APBB2: variants seen among roughly 807,000 people sequenced by gnomAD.
The protein encoded by APBB2 is Fe65-like 1.
APBB2 carries 38 observed loss-of-function variants against 82.5 expected under a neutral mutation model. The observed-to-expected ratio is 0.46, with a 90% CI of 0.36 to 0.60. The LOEUF is 0.60. Among genes scored for constraint, APBB2 ranks in the 20% least tolerant of loss-of-function variants. APBB2 has a pLI of 0.00. For synonymous variants in APBB2, 341 were observed against 368.2 expected, an observed-to-expected ratio of 0.93 and a Z score of 0.85; for missense variants, 772 against 972.3, an observed-to-expected ratio of 0.79 and a Z score of 2.74.
At chr4:41,143,686 C>T (rs747584412) in intron 1 of APBB2, among the ~76,000 whole-genome samples, 3 of 152,210 alleles carry the variant, frequency 2.0e-5, no homozygotes, top group South Asian at 2.1e-4. Flanking sequence ...AATTCTAATG[C>T]GGTTCAGGAT....
At chr4:40,825,609 G>A (rs916797496) in intron 15 of APBB2, 3 of 374,558 alleles carry the variant, frequency 8.0e-6, no homozygotes, top group Middle Eastern at 8.2e-4. Context: ...CCACGGCCCT[G>A]AGTCACACAG....
intron 10 of APBB2, among the ~76,000 whole-genome samples, chr4:40,930,658 G>A (rs1194343513): frequency 3.3e-5 from 5 of 152,110 alleles, no homozygotes; most frequent in African/African-American, 1.2e-4. Flanking sequence ...TAAGTAGGGA[G>A]TAAGGAAGAT....
At chr4:40,935,048 A>G in intron 8 of APBB2, 29 bp downstream of exon 8, 1 of 1,484,532 alleles carries the variant, frequency 6.7e-7, no homozygotes, top group Non-Finnish European at 9.0e-7. Flanking sequence ...TAAAATATTA[A>G]ATGATCTAAG....
intron 5 of APBB2, among the ~76,000 whole-genome samples, chr4:41,026,585 T>C (rs1475805307): frequency 6.6e-6 from 1 of 152,242 alleles, no homozygotes; most frequent in Non-Finnish European, 1.5e-5. Flanking sequence ...CAGAATCATA[T>C]AATGAGATCT....
At chr4:41,160,672 CCT>C (rs1379705755) in intron 1 of APBB2, among the ~76,000 whole-genome samples, 3 of 152,126 alleles carry the variant, frequency 2.0e-5, no homozygotes, top group African/African-American at 7.2e-5. Flanking sequence ...TCCCTCTCAC[CCT>C]CTTTCATCTC....
rs11421268 is a variant in APBB2 at position 41,032,778 on chromosome 4, C to CTTTTTTTT, written c.19+450_19+457dup. Among the ~76,000 whole-genome samples the CTTTTTTTT allele has an allele frequency of 2.9e-3, 244 of 84,302 alleles. 11 individuals are homozygous for CTTTTTTTT. The highest frequency in any genetic ancestry group is 8.2e-3 in the East Asian group (21 of 2,576). The allele number at this position is 84,302 out of a possible 152,430, so 55.3% of individuals were successfully genotyped here. On this transcript the variant is annotated intron_variant, in intron 5 of 17. Coordinates refer to ENST00000508593, the MANE Select transcript of APBB2 (RefSeq NM_004307.2). Reference sequence around the variant, plus strand: ...TGATTTTAAAGATTCATTTTTCTTTCTTTTTTTTTTTTTTTTTTTTTTTTG... The same window carrying CTTTTTTTT: ...TGATTTTAAAGATTCATTTTTCTTTCTTTTTTTTTTTTTTTTTTTTTTTTTTTTTTTTG...
intron 4 of APBB2, 51 bp from the exon 5 acceptor site, chr4:41,033,355 A>T: frequency 3.4e-6 from 4 of 1,188,082 alleles, no homozygotes; most frequent in Non-Finnish European, 4.7e-6. Context: ...AACAAAGCAT[A>T]AAAGAAAGAA....
intron 3 of APBB2, among the ~76,000 whole-genome samples, chr4:41,069,178 A>G (rs573666118): frequency 1.2e-4 from 19 of 152,310 alleles, no homozygotes; most frequent in African/African-American, 3.6e-4. Flanking sequence ...AATGAAAAAG[A>G]GGCAGACATT....
intron 5 of APBB2, among the ~76,000 whole-genome samples, chr4:41,027,404 T>TATATATATAA (rs1426043208): frequency 8.0e-4 from 105 of 130,530 alleles, no homozygotes; most frequent in African/African-American, 2.4e-3. Context: ...TATATATATA[T>TATATATATAA]AACATTTTCA....
chr4:41,025,944 CAAA>C (rs71198626), intron 5 of APBB2, among the ~76,000 whole-genome samples: 3 of 68,262 alleles, frequency 4.4e-5, no homozygotes, highest in African/African-American at 1.7e-4. Context: ...TCCATCTCCA[CAAA>C]AAAAAAAAAA....
intron 6 of APBB2, among the ~76,000 whole-genome samples, chr4:40,994,016 G>C (rs1156285374): frequency 6.6e-6 from 1 of 152,022 alleles, no homozygotes; most frequent in Admixed American, 6.6e-5. Context: ...GAGGCTGGGC[G>C]CGGTAGCTCA....
At chr4:41,029,297 G>A (rs570371587) in intron 5 of APBB2, among the ~76,000 whole-genome samples, 17 of 152,196 alleles carry the variant, frequency 1.1e-4, no homozygotes, top group South Asian at 4.2e-4. Flanking sequence ...CTGGCTTCCC[G>A]AAACTACTCA....
intron 5 of APBB2, among the ~76,000 whole-genome samples, chr4:41,020,126 A>G (rs1190773550): frequency 2.0e-5 from 3 of 152,226 alleles, no homozygotes; most frequent in Non-Finnish European, 2.9e-5. Flanking sequence ...TTTAAAACCT[A>G]TAATTGATAA....
intron 12 of APBB2, among the ~76,000 whole-genome samples, chr4:40,836,724 C>A (rs2154307893): frequency 6.6e-6 from 1 of 152,264 alleles, no homozygotes; most frequent in Middle Eastern, 3.4e-3. Context: ...GTGGTCTCAG[C>A]CACAGGGAGG....
chr4:40,888,842 G>T (rs192549840), intron 12 of APBB2, among the ~76,000 whole-genome samples: 14 of 152,288 alleles, frequency 9.2e-5, no homozygotes, highest in Non-Finnish European at 1.6e-4. Flanking sequence ...CGTCGCACAC[G>T]TATGTAATGT....
chr4:40,979,435 GTATT>G, intron 6 of APBB2, among the ~76,000 whole-genome samples: 1 of 152,062 alleles, frequency 6.6e-6, no homozygotes, highest in Middle Eastern at 3.4e-3. Context: ...GGGATTTTAC[GTATT>G]TATTTACTTA....
At chr4:40,857,098 G>GCACCAGCCAGCGGTGCCGT in intron 12 of APBB2, 1 of 985,484 alleles carries the variant, frequency 1.0e-6, no homozygotes, top group Non-Finnish European at 1.2e-6. Context: ...CAGGGTGCCG[G>GCACCAGCCAGCGGTGCCGT]CACCAGCCAG....
At chr4:41,168,307 A>C (rs990597727) in intron 1 of APBB2, among the ~76,000 whole-genome samples, 4 of 151,928 alleles carry the variant, frequency 2.6e-5, no homozygotes, top group Non-Finnish European at 4.4e-5. Context: ...AAAAAGAAAA[A>C]GAAATATTGA....
chr4:41,176,027 C>T (rs1769674730), intron 1 of APBB2, among the ~76,000 whole-genome samples: 1 of 152,160 alleles, frequency 6.6e-6, no homozygotes, highest in African/African-American at 2.4e-5. Context: ...ATGTTTAAGA[C>T]ATGAATGTAA....
Sources: gnomAD v4.1 joint callset for allele counts (sites outside exome capture counted in the v4.1 genomes callset) on GRCh38, gnomAD v4.1.1 for gene constraint, MANE v1.5 for transcripts, NCBI Gene and HGNC (gene_info 2026-07-23, HGNC 2026-07-21) for gene names.